The following B3GALT1 variants were observed in gnomAD, a reference collection of about 807,000 sequenced individuals.
B3GALT1 encodes beta-1,3-galactosyltransferase 1.
A neutral mutation model predicts 23.2 loss-of-function variants in B3GALT1; 10 were observed. The ratio of observed to expected loss-of-function variants is 0.43; its 90% CI spans 0.27 to 0.73. B3GALT1 has a LOEUF of 0.73. B3GALT1 is among the 30% of genes least tolerant of loss of function. The pLI is 0.21. For synonymous variants in B3GALT1, 156 were observed against 141.5 expected (o/e 1.10, Z -0.73); for missense variants, 299 against 405.4 (o/e 0.74, Z 2.25).
chr2:167,835,425 G>C (rs1052616320), intron 4 of B3GALT1, among the ~76,000 whole-genome samples: 1 of 152,180 alleles, frequency 6.6e-6, no homozygotes, highest in Non-Finnish European at 1.5e-5. Context: ...GAGTCTCGCT[G>C]ATTGCTAGCA....
intron 2 of B3GALT1, among the ~76,000 whole-genome samples, chr2:167,572,604 G>A (rs1364733695): frequency 6.6e-6 from 1 of 151,802 alleles, no homozygotes; most frequent in Non-Finnish European, 1.5e-5. Flanking sequence ...GGAAAGCTGT[G>A]TGTCTGCTTG....
rs563047210 is a variant in B3GALT1 at position 167,486,126 on chromosome 2, C to A, written c.-510-4051C>A. On this transcript the variant is annotated intron_variant, in intron 1 of 4. Transcript: ENST00000392690. ...CCTGTAATCTCAGCACTTTGGAGGC[C>A]AAGGCAGGTGGATCACAAGGTCAAG... is the stretch of plus-strand genomic sequence containing the variant. Among the ~76,000 whole-genome samples, 85 of 152,240 alleles carry A rather than the reference C, an allele frequency of 5.6e-4. 3 individuals are homozygous for A. In the South Asian group the frequency reaches 0.017, roughly 30 times the overall value.
At chr2:167,381,653 G>A (rs915050784) in intron 1 of B3GALT1, among the ~76,000 whole-genome samples, 2 of 152,186 alleles carry the variant, frequency 1.3e-5, no homozygotes, top group African/African-American at 4.8e-5. Context: ...TTTGAAGAAA[G>A]CGTATGTAAA....
intron 3 of B3GALT1, among the ~76,000 whole-genome samples, chr2:167,776,040 GCACACACACACACA>G (rs71003011): frequency 1.1e-4 from 15 of 142,358 alleles, no homozygotes; most frequent in African/African-American, 2.1e-4. Flanking sequence ...ATGCAACTGT[GCACACACACACACA>G]CACACACACA....
chr2:167,360,858 CT>C (rs1424492001), intron 1 of B3GALT1, among the ~76,000 whole-genome samples: 1 of 152,060 alleles, frequency 6.6e-6, no homozygotes, highest in African/African-American at 2.4e-5. Flanking sequence ...TCTCCAATGC[CT>C]CTTCCTTTCC....
At chr2:167,567,862 C>G (rs1009753502) in intron 2 of B3GALT1, among the ~76,000 whole-genome samples, 17 of 152,016 alleles carry the variant, frequency 1.1e-4, no homozygotes, top group Admixed American at 9.8e-4. Flanking sequence ...GTTTCACTGC[C>G]CTAAATATCC....
intron 1 of B3GALT1, among the ~76,000 whole-genome samples, chr2:167,399,251 A>G (rs1698147974): frequency 6.6e-6 from 1 of 152,128 alleles, no homozygotes; most frequent in Non-Finnish European, 1.5e-5. Context: ...CCGACTAGAA[A>G]ACATCTTCAA....
At chr2:167,566,285 G>C (rs961895496) in intron 2 of B3GALT1, among the ~76,000 whole-genome samples, 1 of 151,420 alleles carries the variant, frequency 6.6e-6, no homozygotes, top group African/African-American at 2.4e-5. Context: ...CTCACTCATA[G>C]ATGGGACTTG....
chr2:167,623,510 C>G (rs1685295421), intron 2 of B3GALT1, among the ~76,000 whole-genome samples: 2 of 151,984 alleles, frequency 1.3e-5, no homozygotes, highest in Non-Finnish European at 2.9e-5. Flanking sequence ...GAACAGAAAA[C>G]CAAACACCGC....
chr2:167,432,997 G>A (rs1698727598), intron 1 of B3GALT1, among the ~76,000 whole-genome samples: 1 of 152,124 alleles, frequency 6.6e-6, no homozygotes, highest in African/African-American at 2.4e-5. Context: ...CAGGGGTTTG[G>A]ACAAATGTAT....
At chr2:167,587,634 A>C (rs1252220172) in intron 2 of B3GALT1, among the ~76,000 whole-genome samples, 1 of 152,210 alleles carries the variant, frequency 6.6e-6, no homozygotes, top group Non-Finnish European at 1.5e-5. Context: ...CTTTTTAACC[A>C]TAGCAAAATT....
At chr2:167,719,640 G>A (rs1363534060) in intron 3 of B3GALT1, among the ~76,000 whole-genome samples, 1 of 152,116 alleles carries the variant, frequency 6.6e-6, no homozygotes, top group Non-Finnish European at 1.5e-5. Context: ...TGATAGATAA[G>A]AAAGTGCAGG....
intron 3 of B3GALT1, among the ~76,000 whole-genome samples, chr2:167,742,783 T>G (rs1312653736): frequency 6.6e-6 from 1 of 152,180 alleles, no homozygotes; most frequent in African/African-American, 2.4e-5. Context: ...ATGATTAGTA[T>G]CCATGAAATT....
At chr2:167,596,237 AG>A (rs1684772441) in intron 2 of B3GALT1, among the ~76,000 whole-genome samples, 1 of 152,234 alleles carries the variant, frequency 6.6e-6, no homozygotes, top group African/African-American at 2.4e-5. Flanking sequence ...TCATTTGCTG[AG>A]TGTGCCAGTC....
intron 3 of B3GALT1, among the ~76,000 whole-genome samples, chr2:167,783,304 T>C (rs1158432279): frequency 6.6e-6 from 1 of 152,108 alleles, no homozygotes; most frequent in Non-Finnish European, 1.5e-5. Context: ...TGAGGACATT[T>C]TTCTGTTTAT....
At chr2:167,816,018 G>A (rs1217535779) in intron 3 of B3GALT1, among the ~76,000 whole-genome samples, 1 of 152,132 alleles carries the variant, frequency 6.6e-6, no homozygotes, top group Non-Finnish European at 1.5e-5. Flanking sequence ...TTATATTCTG[G>A]AAAGTTGCAG....
intron 1 of B3GALT1, among the ~76,000 whole-genome samples, chr2:167,477,461 T>C (rs1699503588): frequency 6.6e-6 from 1 of 152,046 alleles, no homozygotes; most frequent in Non-Finnish European, 1.5e-5. Flanking sequence ...ATAAGAAGAA[T>C]AAAATTAGGT....
chr2:167,410,842 A>G (rs557455269), intron 1 of B3GALT1, among the ~76,000 whole-genome samples: 5 of 152,280 alleles, frequency 3.3e-5, no homozygotes, highest in South Asian at 2.1e-4. Flanking sequence ...ATGTCCTTGT[A>G]TAATTGTGGT....
At chr2:167,829,771 G>C (rs1480799548) in intron 4 of B3GALT1, among the ~76,000 whole-genome samples, 1 of 152,136 alleles carries the variant, frequency 6.6e-6, no homozygotes, top group African/African-American at 2.4e-5. Flanking sequence ...AGGATGAGAT[G>C]ATCTGGGAGA....
Sources: allele counts gnomAD v4.1 joint callset (sites outside exome capture counted in the v4.1 genomes callset), GRCh38; gene constraint gnomAD v4.1.1; transcripts MANE v1.5; gene names NCBI Gene and HGNC (gene_info 2026-07-23, HGNC 2026-07-21).